TG: variants seen among roughly 807,000 people sequenced by gnomAD.
TG encodes thyroglobulin.
A neutral mutation model predicts 324.7 loss-of-function variants in TG; 270 were observed. The ratio of observed to expected loss-of-function variants is 0.83; its 90% CI spans 0.75 to 0.92. The LOEUF (loss-of-function observed/expected upper bound fraction) is 0.92. TG is among the 40% of genes least tolerant of loss of function. TG has a pLI of 0.00. For missense variants in TG, 3,591 were observed against 3,456.4 expected (o/e 1.04, Z -0.98); for synonymous variants, 1,401 against 1,327.0 (o/e 1.06, Z -1.21).
In TG at chr8:132,871,218, C is replaced by T. The variant is rs1047946326; in HGVS notation, c.275-130C>T. The T allele has an allele frequency of 2.3e-5, 21 of 911,354 alleles. No individual in the cohort carries two copies. The East Asian group carries it at 4.7e-4, about 20-fold the overall frequency. The allele number at this position is 911,354 out of a possible 1,614,324, so 56.5% of individuals were successfully genotyped here. ...CTGTTCTGTGGCTGCCACCCCATCA[C>T]TGCGTGTCCTTGGGCGGGTCATTCC... On this transcript the variant is annotated intron_variant, in intron 3 of 47. Coordinates refer to ENST00000220616, the MANE Select transcript of TG (RefSeq NM_003235.5).
intron 20 of TG, among the ~76,000 whole-genome samples, chr8:132,917,548 G>T (rs1472103249): frequency 6.6e-6 from 1 of 152,058 alleles, no homozygotes. Context: ...TGTGGGAAAC[G>T]TGACAAGAAG....
chr8:133,087,071 TACACACACAC>T (rs56028043), intron 41 of TG, among the ~76,000 whole-genome samples: 5,836 of 143,082 alleles, frequency 0.041, 164 homozygotes, highest in Middle Eastern at 0.069. Context: ...AATATATGTT[TACACACACAC>T]ACACACACAC....
At chr8:133,094,567 G>C (rs1351183304) in intron 41 of TG, 3 of 230,976 alleles carry the variant, frequency 1.3e-5, no homozygotes, top group Non-Finnish European at 2.6e-5. Flanking sequence ...CCCTTACAAA[G>C]ACTGTGTTTT....
chr8:133,047,799 G>C (rs1839729704), intron 41 of TG: 1 of 1,205,294 alleles, frequency 8.3e-7, no homozygotes, highest in Non-Finnish European at 1.2e-6. Flanking sequence ...GTCTGCCCCG[G>C]ATGGGGAAAG....
intron 21 of TG, among the ~76,000 whole-genome samples, chr8:132,922,250 C>T (rs574506144): frequency 3.9e-5 from 6 of 152,050 alleles, no homozygotes; most frequent in Non-Finnish European, 7.4e-5. Context: ...CTAGGGGGCC[C>T]GGTGGAGAAA....
At position 132,933,605 on chromosome 8, in the gene TG, A is replaced by G; in HGVS notation, c.4861A>G (p.Thr1621Ala). 6.2e-7 allele frequency: 1 copy of G among 1,614,138 alleles called. No homozygotes were observed. Among genetic ancestry groups the G allele is most frequent in the South Asian group, 1.1e-5 (1 of 91,086 alleles). Reference sequence around the variant, plus strand: ...CTGCAGCTTCTTCACCGTGTCCACGACGGAGCCAGAGATTTCCTGTGATTT... The same window carrying G: ...CTGCAGCTTCTTCACCGTGTCCACGGCGGAGCCAGAGATTTCCTGTGATTT... ...EACSFFTVSTTEPEISCDFYA... is the reference protein window; with the variant it reads ...EACSFFTVSTAEPEISCDFYA... Residue 1621 changes from threonine (T) to alanine (A), a missense_variant, in exon 24 of 48, where the codon ACG becomes GCG. Physicochemically the swap from Thr to Ala is moderately conservative, Grantham distance 58 (BLOSUM62 0). Transcript: ENST00000220616.
At chr8:133,001,633 A>G (rs536139648) in intron 35 of TG, 1 of 480,302 alleles carries the variant, frequency 2.1e-6, no homozygotes, top group Non-Finnish European at 2.7e-6. Flanking sequence ...CTGGTGAGAA[A>G]GCAGGATGTC....
intron 25 of TG, 90 bp downstream of exon 25, chr8:132,935,954 A>G: frequency 1.0e-6 from 1 of 1,001,216 alleles, no homozygotes; most frequent in Non-Finnish European, 1.6e-6. Context: ...TGTGAGGAGG[A>G]GCCAGACTGT....
Position 132,886,545 on chromosome 8 carries a change from C to G in TG, c.1173C>G (p.Ser391=), listed in dbSNP as rs1209150082. 1 of 1,614,166 alleles carries G rather than the reference C, an allele frequency of 6.2e-7. No individual in the cohort carries two copies. Among genetic ancestry groups the G allele is most frequent in the Admixed American group, 1.7e-5 (1 of 60,020 alleles). The change falls in exon 9 of 48, where the codon TCC becomes TCG. Residue 391 remains serine (S), a synonymous_variant. Transcript: ENST00000220616. ...GYFSQHDLFS[S]PEKRWASPRV... is the part of the protein sequence containing the mutation. ...TCAGCCAGCACGACCTGTTCTCTTC[C>G]CCAGAGAAAAGATGGGCCTCTCCAA...
chr8:133,017,894 C>T lies in TG; in HGVS notation c.6679C>T (p.Gln2227Ter). 1.9e-6 allele frequency: 3 copies of T among 1,614,210 alleles called. No homozygotes were observed. The highest frequency in any genetic ancestry group is 2.5e-6 in the Non-Finnish European group (3 of 1,180,048). ...QVGTSWKQVD[Q>*]FLGVPYAAPP... Reference sequence around the variant, plus strand: ...GGGTACCTCATGGAAGCAAGTGGACCAGTTCCTTGGAGTTCCATATGCTGC... The same window carrying T: ...GGGTACCTCATGGAAGCAAGTGGACTAGTTCCTTGGAGTTCCATATGCTGC... Residue 2227 changes from glutamine (Q) to a stop codon, truncating the protein, a stop_gained, in exon 38 of 48, where the codon CAG becomes TAG. Coordinates refer to ENST00000220616, the MANE Select transcript of TG (RefSeq NM_003235.5). LOFTEE classifies it high-confidence loss of function.
chr8:133,055,891 G>C lies in TG; in HGVS notation c.7239+25868G>C, dbSNP rs879215267. Among the ~76,000 whole-genome samples, 6 of 151,754 alleles carry C rather than the reference G, an allele frequency of 4.0e-5. No individual in the cohort carries two copies. In the South Asian group the frequency reaches 1.2e-3, roughly 32 times the overall value. ...GCAGCAGGGCGCACAGCTCTGGGGGGAATCAGGCACTGGGCTGTGGTGGTA... is the reference window on the plus strand; with the variant it reads ...GCAGCAGGGCGCACAGCTCTGGGGGCAATCAGGCACTGGGCTGTGGTGGTA... On this transcript the variant is annotated intron_variant, in intron 41 of 47. Transcript: ENST00000220616.
chr8:133,026,845 G>A (rs977532799), intron 40 of TG, among the ~76,000 whole-genome samples: 1 of 152,198 alleles, frequency 6.6e-6, no homozygotes, highest in Non-Finnish European at 1.5e-5. Flanking sequence ...AGGAGCATCA[G>A]CAACATAACG....
In TG at chr8:132,893,836, C is replaced by G. The variant is rs191579812; in HGVS notation, c.2908C>G (p.Leu970Val). The G allele has an allele frequency of 2.5e-6, 4 of 1,613,976 alleles. No homozygotes were observed. Among genetic ancestry groups the G allele is most frequent in the Non-Finnish European group, 3.4e-6 (4 of 1,179,940 alleles). The part of the protein sequence containing the change: ...AKGIRLRNED[L>V]GLPPLFPPRE... The stretch of plus-strand genomic sequence containing the variant: ...GGGAATCCGGCTGAGGAATGAGGAC[C>G]TCGGCCTTCCTCCGCTCTTCCCGCC... The change falls in exon 11 of 48, where the codon CTC becomes GTC. Residue 970 changes from leucine to valine, a missense_variant. By Grantham distance (32) the Leu-to-Val change is conservative. Transcript: ENST00000220616.
intron 27 of TG, among the ~76,000 whole-genome samples, chr8:132,954,782 A>AT (rs1484112663): frequency 4.6e-5 from 7 of 152,318 alleles, no homozygotes; most frequent in Non-Finnish European, 7.4e-5. Context: ...AGAGTAAGGC[A>AT]TAGGGACTCA....
chr8:133,133,888 G>A (rs1018218826), intron 47 of TG, among the ~76,000 whole-genome samples: 1 of 152,198 alleles, frequency 6.6e-6, no homozygotes, highest in Non-Finnish European at 1.5e-5. Context: ...ACAGGAAGAG[G>A]GCAGTGGGGT....
intron 10 of TG, among the ~76,000 whole-genome samples, chr8:132,890,734 C>T (rs1479032896): frequency 6.6e-6 from 1 of 152,220 alleles, no homozygotes; most frequent in Non-Finnish European, 1.5e-5. Flanking sequence ...AAGTGCTAGA[C>T]TTGGCACACA....
At position 133,039,908 on chromosome 8, in the gene TG, G is replaced by A. The variant is rs1356453341; in HGVS notation, c.7239+9885G>A. Reference sequence around the variant, plus strand: ...TCTGGCCATGGTTTTCATGTGCTCGGCACACACACCGTTTTGTGCTCACAT... The same window carrying A: ...TCTGGCCATGGTTTTCATGTGCTCGACACACACACCGTTTTGTGCTCACAT... On this transcript the variant is annotated intron_variant, in intron 41 of 47. Transcript: ENST00000220616. The A allele has an allele frequency of 4.7e-6, 7 of 1,494,490 alleles. No homozygotes were observed. In the Admixed American group the frequency reaches 1.4e-4, roughly 30 times the overall value. 92.6% of individuals were successfully genotyped at this position (1,494,490 alleles called of 1,614,324 possible). A position where few individuals can be genotyped will look rare whatever the true frequency, so the allele number is the denominator to read the frequency against.
At chr8:133,101,386 G>A (rs538951965) in intron 43 of TG, among the ~76,000 whole-genome samples, 7 of 152,252 alleles carry the variant, frequency 4.6e-5, no homozygotes, top group Admixed American at 3.9e-4. Flanking sequence ...TTGGGCTTGT[G>A]CATTTCTCTG....
intron 41 of TG, chr8:133,037,087 C>G (rs889498133): frequency 6.6e-6 from 1 of 152,216 alleles, no homozygotes; most frequent in Non-Finnish European, 1.5e-5. Context: ...ACCAGTAGCA[C>G]GATGAGCTCA....
Sources: gnomAD v4.1 joint callset for allele counts (sites outside exome capture counted in the v4.1 genomes callset) on GRCh38, gnomAD v4.1.1 for gene constraint, MANE v1.5 for transcripts, NCBI Gene and HGNC (gene_info 2026-07-23, HGNC 2026-07-21) for gene names.